The following PTBP3 variants were observed in gnomAD, a reference collection of about 807,000 sequenced individuals.
PTBP3 encodes the protein polypyrimidine tract-binding protein 3.
PTBP3 carries 20 observed loss-of-function variants against 58.7 expected under a neutral mutation model. That is an observed-to-expected ratio of 0.34 (90% CI 0.24 to 0.50). PTBP3 has a LOEUF of 0.50. Ranked by LOEUF, PTBP3 falls within the 20% of genes least tolerant of loss-of-function variation. The pLI is 0.98. For synonymous variants in PTBP3, 185 were observed against 219.8 expected (o/e 0.84, Z 1.40); for missense variants, 509 against 637.2 (o/e 0.80, Z 2.17).
chr9:112,306,610 G>A (rs71495150), intron 1 of PTBP3, among the ~76,000 whole-genome samples: 32 of 50,876 alleles, frequency 6.3e-4, no homozygotes, highest in African/African-American at 1.3e-3. Flanking sequence ...ATATATTTTT[G>A]TTTGTTTGTT....
intron 5 of PTBP3, among the ~76,000 whole-genome samples, chr9:112,256,965 T>C (rs1424843479): frequency 3.9e-5 from 6 of 151,980 alleles, no homozygotes; most frequent in Non-Finnish European, 8.8e-5. Context: ...AGTGAAGGAG[T>C]AGGAAAACAC....
chr9:112,275,355 G>A (rs577780105), intron 3 of PTBP3, among the ~76,000 whole-genome samples: 2 of 152,114 alleles, frequency 1.3e-5, no homozygotes, highest in South Asian at 2.1e-4. Context: ...GGCTGATCTC[G>A]AACTCCTGAC....
At chr9:112,324,254 T>A (rs1215747314) in intron 1 of PTBP3, among the ~76,000 whole-genome samples, 1 of 152,192 alleles carries the variant, frequency 6.6e-6, no homozygotes, top group Non-Finnish European at 1.5e-5. Context: ...AAAAGTTTTT[T>A]AAAAGTTCTT....
the PTBP3 span, among the ~76,000 whole-genome samples, chr9:112,350,465 T>C: frequency 6.6e-6 from 1 of 152,218 alleles, no homozygotes; most frequent in Non-Finnish European, 1.5e-5. Flanking sequence ...GTACCCAATT[T>C]TTGCTATTAA....
the PTBP3 span, among the ~76,000 whole-genome samples, chr9:112,359,229 T>C: frequency 6.6e-6 from 1 of 150,892 alleles, no homozygotes; most frequent in Non-Finnish European, 1.5e-5. Context: ...TCACCTGAGG[T>C]CAGGAGTTTG....
chr9:112,238,595 A>C (rs1835523845), intron 7 of PTBP3, among the ~76,000 whole-genome samples: 1 of 152,216 alleles, frequency 6.6e-6, no homozygotes, highest in African/African-American at 2.4e-5. Flanking sequence ...TAGAATAAAA[A>C]TAAATCCTTA....
chr9:112,243,824 C>T (rs1342880905), intron 7 of PTBP3, among the ~76,000 whole-genome samples: 1 of 152,172 alleles, frequency 6.6e-6, no homozygotes, highest in Non-Finnish European at 1.5e-5. Flanking sequence ...CACATTTAAT[C>T]TTCACAACCC....
At chr9:112,294,252 C>T (rs2132297170) in intron 2 of PTBP3, among the ~76,000 whole-genome samples, 1 of 152,250 alleles carries the variant, frequency 6.6e-6, no homozygotes, top group East Asian at 1.9e-4. Flanking sequence ...GTGGCTCATG[C>T]CTGTAATCCC....
At position 112,315,129 on chromosome 9, in the gene PTBP3, C is replaced by G. The variant is rs112619433; in HGVS notation, c.-51-17213G>C. 9.1e-3 allele frequency among the ~76,000 whole-genome samples: 1,380 copies of G among 152,164 alleles called. 27 individuals carry two copies. The highest frequency in any genetic ancestry group is 0.031 in the African/African-American group (1,296 of 41,512). ...TACAGGCATGAGCCACCGCCCCCGGCCCCCACTGACATTTAAAAGGCACTA... is the reference window on the plus strand; with the variant it reads ...TACAGGCATGAGCCACCGCCCCCGGGCCCCACTGACATTTAAAAGGCACTA... On this transcript the variant is annotated intron_variant, in intron 1 of 13. Coordinates refer to ENST00000374257, the MANE Select transcript of PTBP3 (RefSeq NM_001163788.4).
At chr9:112,338,791 G>A in the PTBP3 span, among the ~76,000 whole-genome samples, 5 of 152,146 alleles carry the variant, frequency 3.3e-5, no homozygotes, top group African/African-American at 7.2e-5. Context: ...TATGAATCAC[G>A]TCCATTTTTG....
intron 10 of PTBP3, 34 bp from the exon 11 acceptor site, chr9:112,228,506 G>A (rs763902131): frequency 1.4e-5 from 19 of 1,379,556 alleles, no homozygotes; most frequent in South Asian, 5.2e-5. Flanking sequence ...TGTGTTTAAC[G>A]TCTGATTGTG....
the PTBP3 span, among the ~76,000 whole-genome samples, chr9:112,344,229 A>G: frequency 2.0e-5 from 3 of 152,164 alleles, no homozygotes; most frequent in Non-Finnish European, 4.4e-5. Flanking sequence ...TATATGCTAC[A>G]GTTTAAATAG....
At chr9:112,309,169 AACT>A (rs767065223) in intron 1 of PTBP3, among the ~76,000 whole-genome samples, 11 of 152,172 alleles carry the variant, frequency 7.2e-5, no homozygotes, top group Non-Finnish European at 1.2e-4. Context: ...GCTATCAAAA[AACT>A]ACTTCATAAT....
At chr9:112,301,703 T>C (rs896419056) in intron 1 of PTBP3, among the ~76,000 whole-genome samples, 5 of 152,126 alleles carry the variant, frequency 3.3e-5, no homozygotes, top group Admixed American at 2.6e-4. Flanking sequence ...TATGTGAATC[T>C]ACATATGCAA....
At chr9:112,351,556 T>C in the PTBP3 span, among the ~76,000 whole-genome samples, 487 of 152,322 alleles carry the variant, frequency 3.2e-3, 2 homozygotes, top group African/African-American at 0.01. Flanking sequence ...ACTTAAGGAA[T>C]GGGGAGCTAT....
chr9:112,286,303 T>C (rs1828110604), intron 2 of PTBP3, among the ~76,000 whole-genome samples: 2 of 152,216 alleles, frequency 1.3e-5, no homozygotes, highest in Non-Finnish European at 2.9e-5. Flanking sequence ...ATATAATTAT[T>C]AACGTGGTTG....
Position 112,221,498 on chromosome 9 carries a change from A to T in PTBP3, c.*2353T>A, listed in dbSNP as rs1484818088. On this transcript the variant is annotated 3_prime_UTR_variant, in exon 14 of 14. Transcript: ENST00000374257. ...TTCCTAACTTAAAGTAAATGAAATA[A>T]TCCAATTTAACATGGCACTGAAAAT... 1 of 985,496 alleles carries T rather than the reference A, an allele frequency of 1.0e-6. No homozygotes were observed. Among genetic ancestry groups the T allele is most frequent in the East Asian group, 1.1e-4 (1 of 8,816 alleles). The allele number at this position is 985,496 out of a possible 1,614,324, so 61.0% of individuals were successfully genotyped here.
the PTBP3 span, among the ~76,000 whole-genome samples, chr9:112,353,409 C>CT: frequency 1.6e-3 from 235 of 147,490 alleles, 1 homozygote; most frequent in African/African-American, 5.0e-3. Context: ...CTTTCTTTTC[C>CT]TTTTTTTTGT....
chr9:112,263,742 G>A (rs546369880), intron 4 of PTBP3, among the ~76,000 whole-genome samples: 2 of 152,328 alleles, frequency 1.3e-5, no homozygotes, highest in South Asian at 4.1e-4. Context: ...ATGTATCAAT[G>A]ATAACTTGCT....
Sources: gnomAD v4.1 joint callset for allele counts (sites outside exome capture counted in the v4.1 genomes callset) on GRCh38, gnomAD v4.1.1 for gene constraint, MANE v1.5 for transcripts, NCBI Gene and HGNC (gene_info 2026-07-23, HGNC 2026-07-21) for gene names.